NPFFR2: variants seen among roughly 807,000 people sequenced by gnomAD.
The protein encoded by NPFFR2 is neuropeptide FF receptor 2.
Under a neutral mutation model 13.1 loss-of-function variants are expected in NPFFR2, and 15 were observed. The ratio of observed to expected loss-of-function variants is 1.15; its 90% CI spans 0.77 to 1.76. The LOEUF (loss-of-function observed/expected upper bound fraction) is 1.76, where lower values mean the gene tolerates loss of function less well. NPFFR2 is among the 40% of genes most tolerant of loss of function. The pLI, the probability that NPFFR2 is intolerant of heterozygous loss-of-function variation, is 0.00. For synonymous variants in NPFFR2, 190 were observed against 175.7 expected (o/e 1.08, Z -0.65); for missense variants, 572 against 503.5 (o/e 1.14, Z -1.30).
intron 1 of NPFFR2, among the ~76,000 whole-genome samples, chr4:72,087,974 TAAATG>T (rs1173531508): frequency 6.6e-6 from 1 of 151,912 alleles, no homozygotes. Flanking sequence ...CCTTGAAAAT[TAAATG>T]GGAGGTCAAG....
intron 1 of NPFFR2, among the ~76,000 whole-genome samples, chr4:72,062,768 C>T (rs1719957265): frequency 6.6e-6 from 1 of 152,254 alleles, no homozygotes; most frequent in African/African-American, 2.4e-5. Context: ...GAGGATGAGA[C>T]TTGTGGAACC....
At chr4:72,056,286 A>T (rs1209407612) in intron 1 of NPFFR2, among the ~76,000 whole-genome samples, 1 of 151,934 alleles carries the variant, frequency 6.6e-6, no homozygotes, top group Non-Finnish European at 1.5e-5. Flanking sequence ...ATTATGCTAA[A>T]TATACTCTGT....
intron 1 of NPFFR2, among the ~76,000 whole-genome samples, chr4:72,085,370 G>T (rs575913895): frequency 6.6e-6 from 1 of 152,136 alleles, no homozygotes; most frequent in Non-Finnish European, 1.5e-5. Flanking sequence ...CAAAGGGCTC[G>T]TAACTTGGAT....
intron 1 of NPFFR2, among the ~76,000 whole-genome samples, chr4:72,118,367 T>A (rs915817236): frequency 1.3e-5 from 2 of 152,210 alleles, no homozygotes; most frequent in Non-Finnish European, 2.9e-5. Context: ...AATTATCCAA[T>A]GAAAACCTAA....
chr4:72,038,187 C>A (rs906694028), intron 1 of NPFFR2, among the ~76,000 whole-genome samples: 2 of 152,156 alleles, frequency 1.3e-5, no homozygotes, highest in Admixed American at 6.5e-5. Flanking sequence ...TTCTTTAAGT[C>A]ATTTCATCTC....
intron 1 of NPFFR2, among the ~76,000 whole-genome samples, chr4:72,060,534 A>G (rs1215145795): frequency 6.6e-6 from 1 of 152,140 alleles, no homozygotes; most frequent in African/African-American, 2.4e-5. Context: ...TATTATAACA[A>G]AAGTGTTCAA....
At position 72,051,725 on chromosome 4, in the gene NPFFR2, C is replaced by G. The variant is rs554084823; in HGVS notation, c.-8+19525C>G. ...CCAGGATCTGGTTCTTTGAAAGGAT[C>G]AACAAAATTGATAGACTGCTAGCAA... On this transcript the variant is annotated intron_variant, in intron 1 of 3. Transcript: ENST00000308744. Among the ~76,000 whole-genome samples, 343 of 151,740 alleles carry G rather than the reference C, an allele frequency of 2.3e-3. 5 individuals are homozygous for G. Among genetic ancestry groups the G allele is most frequent in the African/African-American group, 7.8e-3 (323 of 41,340 alleles).
chr4:72,137,186 A>G (rs989830559), intron 2 of NPFFR2, among the ~76,000 whole-genome samples: 2 of 152,188 alleles, frequency 1.3e-5, no homozygotes, highest in Non-Finnish European at 2.9e-5. Flanking sequence ...TATTTAGGTT[A>G]TTTAAAAATA....
intron 1 of NPFFR2, among the ~76,000 whole-genome samples, chr4:72,112,909 C>G (rs62320811): frequency 0.26 from 39,268 of 151,868 alleles, 6,260 homozygotes; most frequent in Admixed American, 0.34. Flanking sequence ...ATGAAAATAC[C>G]TGCTTACAGA....
intron 1 of NPFFR2, among the ~76,000 whole-genome samples, chr4:72,097,531 CTTTATAGTAAAAGCTTCACTGTAGTCT>C (rs2109806969): frequency 6.6e-6 from 1 of 152,206 alleles, no homozygotes; most frequent in African/African-American, 2.4e-5. Context: ...AAAATATGGA[CTTTATAGTAAAAGCTTCACTGTAGTCT>C]TTTAACTACT....
intron 1 of NPFFR2, among the ~76,000 whole-genome samples, chr4:72,115,130 A>G (rs1281247985): frequency 2.0e-5 from 3 of 152,148 alleles, no homozygotes; most frequent in African/African-American, 7.2e-5. Context: ...CATGGCCAAT[A>G]TGTTGTTTCT....
chr4:72,069,641 T>C (rs1319021758), intron 1 of NPFFR2, among the ~76,000 whole-genome samples: 1 of 152,064 alleles, frequency 6.6e-6, no homozygotes, highest in Non-Finnish European at 1.5e-5. Flanking sequence ...AAAGATATAA[T>C]AAAGTCAAAA....
chr4:72,106,720 G>A (rs574359508), intron 1 of NPFFR2, among the ~76,000 whole-genome samples: 16 of 152,060 alleles, frequency 1.1e-4, no homozygotes, highest in African/African-American at 3.9e-4. Flanking sequence ...AGTAAGTCAG[G>A]AAAGAGAAAA....
At chr4:72,096,659 AT>A (rs1050895597) in intron 1 of NPFFR2, among the ~76,000 whole-genome samples, 2 of 152,060 alleles carry the variant, frequency 1.3e-5, no homozygotes, top group Non-Finnish European at 2.9e-5. Flanking sequence ...TTTTAATGAA[AT>A]TTACCAACCT....
rs1056703814 is a variant in NPFFR2 at position 72,086,948 on chromosome 4, TAGTA to T, written c.-7-41632_-7-41629del. Among the ~76,000 whole-genome samples the T allele has an allele frequency of 4.3e-4, 65 of 151,740 alleles. 1 individual carries two copies. Among genetic ancestry groups the T allele is most frequent in the African/African-American group, 1.3e-3 (55 of 41,154 alleles). On this transcript the variant is annotated intron_variant, in intron 1 of 3. Coordinates refer to ENST00000308744, the MANE Select transcript of NPFFR2 (RefSeq NM_004885.3). ...TATGCACATTTAATAATAATAAAGT[TAGTA>T]AGTATTTTGTCAAGTCTGTAATATC...
intron 1 of NPFFR2, among the ~76,000 whole-genome samples, chr4:72,082,116 G>A (rs761685346): frequency 6.6e-6 from 1 of 152,146 alleles, no homozygotes; most frequent in Non-Finnish European, 1.5e-5. Flanking sequence ...GGTGCCTATG[G>A]CAGCAAAGTA....
chr4:72,141,752 G>A (rs183816336), intron 3 of NPFFR2, among the ~76,000 whole-genome samples: 8 of 152,302 alleles, frequency 5.3e-5, no homozygotes, highest in African/African-American at 1.9e-4. Flanking sequence ...TTGGGGTGGA[G>A]AGTTCGGTAG....
intron 1 of NPFFR2, among the ~76,000 whole-genome samples, chr4:72,103,609 C>T (rs1721322123): frequency 6.6e-6 from 1 of 151,746 alleles, no homozygotes; most frequent in Admixed American, 6.6e-5. Flanking sequence ...CATTGGAGTC[C>T]AATATTGCTA....
chr4:72,074,714 C>T (rs1720374744), intron 1 of NPFFR2, among the ~76,000 whole-genome samples: 1 of 152,040 alleles, frequency 6.6e-6, no homozygotes, highest in African/African-American at 2.4e-5. Flanking sequence ...TAAACCTTCC[C>T]ATCAAAAGAC....
Sources: allele counts gnomAD v4.1 joint callset (sites outside exome capture counted in the v4.1 genomes callset), GRCh38; gene constraint gnomAD v4.1.1; transcripts MANE v1.5; gene names NCBI Gene and HGNC (gene_info 2026-07-23, HGNC 2026-07-21).